The following DEF8 variants were observed in gnomAD, a reference collection of about 807,000 sequenced individuals.
DEF8 encodes DEF-8.
A neutral mutation model predicts 59.1 loss-of-function variants in DEF8; 38 were observed. The observed-to-expected ratio is 0.64, with a 90% CI of 0.50 to 0.84. The LOEUF (loss-of-function observed/expected upper bound fraction) is 0.84. Among genes scored for constraint, DEF8 ranks in the 40% least tolerant of loss-of-function variants. The pLI is 0.00. For synonymous variants in DEF8, 265 were observed against 250.1 expected (o/e 1.06, Z -0.56); for missense variants, 557 against 615.2 (o/e 0.91, Z 1.00).
chr16:89,949,294 T>G (rs2151111370), intron 1 of DEF8, 123 bp from the exon 2 acceptor site: 1 of 814,342 alleles, frequency 1.2e-6, no homozygotes, highest in East Asian at 2.8e-5. Context: ...CGAGCCTCAG[T>G]TTCCCCCTCG....
At chr16:89,959,330 G>C in intron 6 of DEF8, 175 bp downstream of exon 6, 11 of 1,450,730 alleles carry the variant, frequency 7.6e-6, no homozygotes, top group Non-Finnish European at 1.0e-5. Flanking sequence ...CATTGGACAG[G>C]GCTGTTCTGG....
chr16:89,961,991 T>A, intron 8 of DEF8, 21 bp from the exon 9 acceptor site: 3 of 1,613,038 alleles, frequency 1.9e-6, no homozygotes, highest in Non-Finnish European at 2.5e-6. Context: ...GTGAGAGGTG[T>A]CACCCGGCCG....
intron 5 of DEF8, 123 bp from the exon 6 acceptor site, chr16:89,958,891 G>T: frequency 6.6e-7 from 1 of 1,517,860 alleles, no homozygotes; most frequent in Non-Finnish European, 8.8e-7. Flanking sequence ...ATGGCATTGT[G>T]CTGAAACTCA....
In DEF8 at chr16:89,961,765, C is replaced by T. The variant is rs757944133; in HGVS notation, c.708C>T (p.Cys236=). ...LRGVPSEARQ[C]DYTGQYYCSH... ...GTGTGCCCAGTGAGGCCAGGCAGTG[C>T]GACTACACCGGCCAGTACTACTGCA... Residue 236 remains cysteine, a synonymous_variant, in exon 8 of 13, where the codon TGC becomes TGT. Transcript: ENST00000563594. 67 of 1,613,388 alleles carry T rather than the reference C, an allele frequency of 4.2e-5. No homozygotes were observed. Among genetic ancestry groups the T allele is most frequent in the Non-Finnish European group, 5.3e-5 (62 of 1,179,950 alleles).
At chr16:89,963,540 G>A (rs2034299483) in intron 10 of DEF8, 97 bp downstream of exon 10, 6 of 1,031,122 alleles carry the variant, frequency 5.8e-6, no homozygotes, top group Non-Finnish European at 8.7e-6. Flanking sequence ...TGTGCGTGGA[G>A]TGCCTTTAGC....
rs554941956 is a variant in DEF8, at chr16:89,954,099, A to G, written c.-10-144A>G. ...GTGTTTCAGGAAAAGGCTGAAGATC[A>G]AGGCTGTGGTGTGAGGACTACCCAC... On this transcript the variant is annotated intron_variant, in intron 2 of 12. Transcript: ENST00000563594. This position sits in a 1 kb window ranked among gnomAD's most constrained non-coding sequence, Gnocchi z 4.3. 12 of 821,494 alleles carry G rather than the reference A, an allele frequency of 1.5e-5. No homozygotes were observed. The highest frequency in any genetic ancestry group is 1.9e-5 in the Non-Finnish European group (10 of 529,766). The allele number at this position is 821,494 out of a possible 1,614,324, so 50.9% of individuals were successfully genotyped here.
chr16:89,961,088 C>T lies in DEF8; in HGVS notation c.672C>T (p.Ile224=), dbSNP rs2033965584. 1.9e-6 allele frequency: 3 copies of T among 1,611,474 alleles called. No individual in the cohort carries two copies. Residue 224 remains isoleucine, a synonymous_variant, in exon 7 of 13, where the codon ATC becomes ATT. Transcript: ENST00000563594. ...GCTGTGCCGAGTGCCGGGCGCCCATCTCTCTGCGTGAGTGGTGGCAGGGAG... is the reference window on the plus strand; with the variant it reads ...GCTGTGCCGAGTGCCGGGCGCCCATTTCTCTGCGTGAGTGGTGGCAGGGAG... ...DYRCAECRAP[I]SLRGVPSEAR...
rs767924120 is a variant in DEF8, at chr16:89,955,222, G to A, written c.178G>A (p.Val60Met). Residue 60 changes from valine (V) to methionine (M), a missense_variant, in exon 4 of 13, where the codon GTG (valine) becomes ATG (methionine). Val to Met is a conservative substitution (Grantham distance 21, BLOSUM62 1). Coordinates refer to ENST00000563594, the MANE Select transcript of DEF8 (RefSeq NM_001242818.2). ...GEPEFRCPER[V>M]MDLGLSEDHF... ...GCCGGAATTCCGCTGCCCTGAACGC[G>A]TGATGGATCTCGGCCTGTCTGAGGA... is the stretch of plus-strand genomic sequence containing the variant. The A allele has an allele frequency of 1.4e-5, 23 of 1,613,720 alleles. No homozygotes were observed. Among genetic ancestry groups the A allele is most frequent in the Non-Finnish European group, 9.3e-6 (11 of 1,179,986 alleles).
At chr16:89,952,802 G>T (rs2032421842) in intron 2 of DEF8, 1 of 152,310 alleles carries the variant, frequency 6.6e-6, no homozygotes, top group African/African-American at 2.4e-5. Flanking sequence ...AGGCTGGCGT[G>T]CAGGTGCCCA....
chr16:89,951,550 G>A (rs80168460), intron 2 of DEF8, among the ~76,000 whole-genome samples: 21,728 of 152,080 alleles, frequency 0.14, 1,745 homozygotes, highest in Middle Eastern at 0.24. Flanking sequence ...GGGTCTTTCA[G>A]TCAGAATCTA....
intron 4 of DEF8, chr16:89,956,961 C>G (rs144098483): frequency 0.014 from 2,146 of 152,550 alleles, 23 homozygotes; most frequent in African/African-American, 0.023. Flanking sequence ...TCCAGGCTCC[C>G]CAGCACTGAG....
chr16:89,961,912 A>T, intron 8 of DEF8, 48 bp downstream of exon 8: 1 of 1,591,480 alleles, frequency 6.3e-7, no homozygotes, highest in Non-Finnish European at 8.6e-7. Context: ...GAGAGCAGGA[A>T]GGGGGTTGGG....
Position 89,954,489 on chromosome 16 carries a change from G to T in DEF8, c.124+113G>T. On this transcript the variant is annotated intron_variant, in intron 3 of 12. Coordinates refer to ENST00000563594, the MANE Select transcript of DEF8 (RefSeq NM_001242818.2). This position sits in a 1 kb window ranked among gnomAD's most constrained non-coding sequence, Gnocchi z 4.3. ...CAGCCCTGGCTTTCCCACGGAGCCGGCACCTGCTGGCTGTGTTCTTTTTCC... is the reference window on the plus strand; with the variant it reads ...CAGCCCTGGCTTTCCCACGGAGCCGTCACCTGCTGGCTGTGTTCTTTTTCC... 2 of 1,162,346 alleles carry T rather than the reference G, an allele frequency of 1.7e-6. No homozygotes were observed. The highest frequency in any genetic ancestry group is 1.2e-6 in the Non-Finnish European group (1 of 827,430). 72.0% of individuals were successfully genotyped at this position (1,162,346 alleles called of 1,614,324 possible). A position where few individuals can be genotyped will look rare whatever the true frequency, so the allele number is the denominator to read the frequency against.
chr16:89,956,058 G>C (rs899519028), intron 4 of DEF8, among the ~76,000 whole-genome samples: 2 of 150,996 alleles, frequency 1.3e-5, no homozygotes, highest in Non-Finnish European at 2.9e-5. Context: ...GGGTGACAGA[G>C]TGAGACTCCG....
In DEF8 at chr16:89,966,202, C is replaced by G. The variant is rs554044937; in HGVS notation, c.*239C>G. 1.5e-4 allele frequency: 65 copies of G among 441,212 alleles called. No homozygotes were observed. The highest frequency in any genetic ancestry group is 2.3e-4 in the Non-Finnish European group (55 of 237,624). The allele number at this position is 441,212 out of a possible 1,614,324, so 27.3% of individuals were successfully genotyped here. On this transcript the variant is annotated 3_prime_UTR_variant, in exon 13 of 13. Transcript: ENST00000563594. ...TGCTGTGAGGGGTCCTTGCGTGGCC[C>G]CCATCCTTCCCCCAATGCAGAACTC...
At chr16:89,956,258 C>T (rs1452501095) in intron 4 of DEF8, among the ~76,000 whole-genome samples, 2 of 151,806 alleles carry the variant, frequency 1.3e-5, no homozygotes, top group Non-Finnish European at 2.9e-5. Context: ...AGTTCGAGAC[C>T]AGCCTGACCA....
At chr16:89,957,700 C>T (rs965979547) in intron 5 of DEF8, 40 bp downstream of exon 5, 11 of 1,510,000 alleles carry the variant, frequency 7.3e-6, no homozygotes, top group East Asian at 2.5e-5. Context: ...AGCCTGGGGC[C>T]GAGGCCAGAA....
Position 89,964,482 on chromosome 16 carries a change from GCTT to G in DEF8, c.1162_1164del (p.Phe388del). On this transcript the variant is annotated inframe_deletion, in exon 12 of 13. Transcript: ENST00000563594. ...TCCCCCCAGCGGTGCCAGGCCAAGG[GCTT>G]CGTGTGTGAGCTCTGCAGAGAGGGC... The G allele has an allele frequency of 6.3e-7, 1 of 1,594,962 alleles. No homozygotes were observed. Among genetic ancestry groups the G allele is most frequent in the Non-Finnish European group, 8.5e-7 (1 of 1,171,146 alleles).
rs1405711183 is a variant in DEF8, at chr16:89,951,479, A to G, written c.-11+1966A>G. Among the ~76,000 whole-genome samples, 61 of 152,138 alleles carry G rather than the reference A, an allele frequency of 4.0e-4. 1 individual carries two copies. The highest frequency in any genetic ancestry group is 4.0e-3 in the Admixed American group (61 of 15,274). ...AGGCTGGTCTCGAACTGCTCACCTCAGGTGATCAGCCCACTTCTGCTTCCC... is the reference window on the plus strand; with the variant it reads ...AGGCTGGTCTCGAACTGCTCACCTCGGGTGATCAGCCCACTTCTGCTTCCC... On this transcript the variant is annotated intron_variant, in intron 2 of 12. Transcript: ENST00000563594.
Sources: allele counts gnomAD v4.1 joint callset (sites outside exome capture counted in the v4.1 genomes callset), GRCh38; gene constraint gnomAD v4.1.1; non-coding constraint Gnocchi (gnomAD v3.1); transcripts MANE v1.5; gene names NCBI Gene and HGNC (gene_info 2026-07-23, HGNC 2026-07-21).